The following TYW1B variants were observed in gnomAD, a reference collection of about 807,000 sequenced individuals.
TYW1B encodes tRNA-yW synthesizing protein 1 homolog B.
A neutral mutation model predicts 86.9 loss-of-function variants in TYW1B; 73 were observed. The ratio of observed to expected loss-of-function variants is 0.84; its 90% CI spans 0.70 to 1.02. The LOEUF is 1.02. Ranked by LOEUF, TYW1B falls within the 50% of genes least tolerant of loss-of-function variation. The probability of loss-of-function intolerance (pLI) is 0.00; values close to 1 mark genes in which losing one functional copy is unlikely to be tolerated. For missense variants in TYW1B, 637 were observed against 827.4 expected (o/e 0.77, Z 2.82); for synonymous variants, 248 against 292.8 (o/e 0.85, Z 1.56).
intron 11 of TYW1B, among the ~76,000 whole-genome samples, chr7:72,678,042 C>G (rs530348843): frequency 1.2e-4 from 18 of 152,126 alleles, no homozygotes; most frequent in African/African-American, 4.3e-4. Context: ...TCCACCTAGC[C>G]CAAGGTGAAG....
chr7:72,605,030 T>C (rs1811760704), intron 13 of TYW1B, among the ~76,000 whole-genome samples: 2 of 152,338 alleles, frequency 1.3e-5, no homozygotes, highest in African/African-American at 4.8e-5. Flanking sequence ...AGCTCCACTC[T>C]CTAGACTCTG....
intron 7 of TYW1B, among the ~76,000 whole-genome samples, chr7:72,751,062 G>C (rs1443434231): frequency 6.7e-6 from 1 of 149,920 alleles, no homozygotes; most frequent in African/African-American, 2.5e-5. Flanking sequence ...TTTTGAAACA[G>C]AGTCTAGCTC....
At chr7:72,809,999 CAAAAA>C (rs59099398) in intron 4 of TYW1B, among the ~76,000 whole-genome samples, 1 of 75,944 alleles carries the variant, frequency 1.3e-5, no homozygotes. Context: ...ACTCTGTTTC[CAAAAA>C]AAAAAAAAAA....
At chr7:72,614,949 C>CG (rs782757202) in intron 13 of TYW1B, among the ~76,000 whole-genome samples, 2 of 152,154 alleles carry the variant, frequency 1.3e-5, no homozygotes, top group Non-Finnish European at 2.9e-5. Context: ...AATCTGACTC[C>CG]ACTCATAATC....
chr7:72,822,162 CAA>C lies in TYW1B; in HGVS notation c.135+4691_135+4692del, dbSNP rs782637112. On this transcript the variant is annotated intron_variant, in intron 2 of 13. Transcript: ENST00000620995. Reference sequence around the variant, plus strand: ...TGGGTGACAGAGTAAGACCCTGTCTCAAAAAAAAAAAAAAAAAAAAAAGAAGA... The same window carrying C: ...TGGGTGACAGAGTAAGACCCTGTCTCAAAAAAAAAAAAAAAAAAAAGAAGA... Among the ~76,000 whole-genome samples the C allele has an allele frequency of 9.0e-3, 326 of 36,346 alleles. 2 individuals carry two copies. Among genetic ancestry groups the C allele is most frequent in the African/African-American group, 0.034 (308 of 9,132 alleles). 23.8% of individuals were successfully genotyped at this position (36,346 alleles called of 152,430 possible).
At chr7:72,704,334 T>G (rs1814561747) in intron 10 of TYW1B, among the ~76,000 whole-genome samples, 2 of 150,392 alleles carry the variant, frequency 1.3e-5, no homozygotes, top group African/African-American at 4.9e-5. Context: ...CTCGGGAGGC[T>G]GAGGCACGAG....
At chr7:72,638,620 C>T (rs1554441084) in intron 11 of TYW1B, among the ~76,000 whole-genome samples, 2 of 152,228 alleles carry the variant, frequency 1.3e-5, no homozygotes, top group Admixed American at 1.3e-4. Flanking sequence ...TGTCTTCTCT[C>T]ACCACTGCTT....
chr7:72,585,220 G>C (rs1370333771), intron 13 of TYW1B, among the ~76,000 whole-genome samples: 3 of 152,166 alleles, frequency 2.0e-5, no homozygotes, highest in African/African-American at 7.2e-5. Flanking sequence ...CTCAAACCAG[G>C]TTCTGCTAAA....
chr7:72,785,859 T>C (rs1788120053), intron 6 of TYW1B, among the ~76,000 whole-genome samples: 1 of 152,048 alleles, frequency 6.6e-6, no homozygotes, highest in South Asian at 2.1e-4. Flanking sequence ...GCACCTGTAA[T>C]CCCAGCACTT....
chr7:72,799,479 C>T (rs67767367), intron 6 of TYW1B, among the ~76,000 whole-genome samples: 102,398 of 149,550 alleles, frequency 0.68, 35,801 homozygotes, highest in Non-Finnish European at 0.76. Flanking sequence ...GCCTTTTTTT[C>T]TTTTGAGACG....
chr7:72,671,200 T>C (rs1813592717), intron 11 of TYW1B, among the ~76,000 whole-genome samples: 1 of 152,156 alleles, frequency 6.6e-6, no homozygotes, highest in African/African-American at 2.4e-5. Flanking sequence ...TCTAGGTTAT[T>C]ATTCCTTAGA....
At chr7:72,636,422 C>T (rs1316432988) in intron 11 of TYW1B, among the ~76,000 whole-genome samples, 1 of 152,116 alleles carries the variant, frequency 6.6e-6, no homozygotes, top group Non-Finnish European at 1.5e-5. Flanking sequence ...ATAACTTTTT[C>T]CCCTTTTTCT....
intron 9 of TYW1B, among the ~76,000 whole-genome samples, chr7:72,723,543 G>A (rs1294709933): frequency 2.0e-5 from 3 of 152,156 alleles, no homozygotes; most frequent in Non-Finnish European, 2.9e-5. Flanking sequence ...GAGGCTGAAG[G>A]ATTGCTTGAG....
At chr7:72,613,599 A>T (rs1811991842) in intron 13 of TYW1B, among the ~76,000 whole-genome samples, 1 of 151,672 alleles carries the variant, frequency 6.6e-6, no homozygotes, top group African/African-American at 2.4e-5. Flanking sequence ...TTAGAGATGG[A>T]GTTTCACTAT....
rs1554481806 is a variant in TYW1B, at chr7:72,828,065, C to T, written c.4+7G>A. ...CCCCAGGGTCCTTGCCCGCCGAGTG[C>T]CCTTACCCATCCTCCTCAGAGCCGA... On this transcript the variant is annotated splice_region_variant and intron_variant, in intron 1 of 13. Coordinates refer to ENST00000620995, the MANE Select transcript of TYW1B (RefSeq NM_001145440.3). The T allele has an allele frequency of 6.2e-7, 1 of 1,613,872 alleles. No individual in the cohort carries two copies. Among genetic ancestry groups the T allele is most frequent in the African/African-American group, 1.3e-5 (1 of 74,960 alleles).
intron 10 of TYW1B, among the ~76,000 whole-genome samples, chr7:72,708,646 T>A (rs1218434117): frequency 4.6e-5 from 7 of 152,184 alleles, no homozygotes; most frequent in Non-Finnish European, 1.0e-4. Context: ...TGAAAGAAAC[T>A]GAGATACCAG....
intron 13 of TYW1B, among the ~76,000 whole-genome samples, chr7:72,600,446 A>G (rs1357635181): frequency 6.6e-6 from 1 of 152,244 alleles, no homozygotes; most frequent in East Asian, 1.9e-4. Context: ...GAATGTGGCA[A>G]TGAATTTTTA....
intron 11 of TYW1B, among the ~76,000 whole-genome samples, chr7:72,664,987 G>T (rs1441229067): frequency 2.6e-5 from 4 of 152,030 alleles, no homozygotes; most frequent in African/African-American, 9.7e-5. Context: ...TCTTTACACT[G>T]TATTTTTTTA....
chr7:72,792,864 C>T (rs1198703021), intron 6 of TYW1B, among the ~76,000 whole-genome samples: 1 of 152,030 alleles, frequency 6.6e-6, no homozygotes, highest in African/African-American at 2.4e-5. Flanking sequence ...ACAAAATGAT[C>T]CCATTTGTGT....
Sources: gnomAD v4.1 joint callset for allele counts (sites outside exome capture counted in the v4.1 genomes callset) on GRCh38, gnomAD v4.1.1 for gene constraint, MANE v1.5 for transcripts, NCBI Gene and HGNC (gene_info 2026-07-23, HGNC 2026-07-21) for gene names.